PDE4D: variants seen among roughly 807,000 people sequenced by gnomAD.
The protein encoded by PDE4D is phosphodiesterase 4D.
In PDE4D, 24 loss-of-function variants were observed where a neutral mutation model predicts 87.4. The ratio of observed to expected loss-of-function variants is 0.27; its 90% confidence interval spans 0.20 to 0.39. The LOEUF (loss-of-function observed/expected upper bound fraction) is 0.39, where lower values mean the gene tolerates loss of function less well. Ranked by LOEUF, PDE4D falls within the 10% of genes least tolerant of loss-of-function variation. The pLI is 1.00. For missense variants in PDE4D, 714 were observed against 1,041.0 expected, an observed-to-expected ratio of 0.69 and a Z score of 4.32; for synonymous variants, 384 against 383.2, an observed-to-expected ratio of 1.00 and a Z score of -0.02.
chr5:60,403,986 A>G (rs1414709449), intron 1 of PDE4D, among the ~76,000 whole-genome samples: 1 of 152,214 alleles, frequency 6.6e-6, no homozygotes, highest in African/African-American at 2.4e-5. Flanking sequence ...CCAATATTTT[A>G]TATAAATGAC....
At chr5:60,252,258 T>C (rs1461665947) in intron 1 of PDE4D, among the ~76,000 whole-genome samples, 5 of 151,906 alleles carry the variant, frequency 3.3e-5, no homozygotes, top group Non-Finnish European at 5.9e-5. Flanking sequence ...TAAAAATACA[T>C]GGGGGTGGAG....
intron 1 of PDE4D, among the ~76,000 whole-genome samples, chr5:59,867,558 C>T (rs1445051238): frequency 6.6e-6 from 1 of 151,926 alleles, no homozygotes; most frequent in African/African-American, 2.4e-5. Flanking sequence ...TATTTCCTTC[C>T]TTTGACTTGG....
chr5:59,144,759 A>G (rs1361040618), intron 5 of PDE4D, among the ~76,000 whole-genome samples: 1 of 152,108 alleles, frequency 6.6e-6, no homozygotes, highest in Non-Finnish European at 1.5e-5. Context: ...ACATTGCTTA[A>G]AAGGTTACAT....
At chr5:59,465,962 T>C (rs1273107673) in intron 1 of PDE4D, among the ~76,000 whole-genome samples, 1 of 152,212 alleles carries the variant, frequency 6.6e-6, no homozygotes, top group Non-Finnish European at 1.5e-5. Context: ...TATTCTGTTT[T>C]GTTTTGTTTT....
At chr5:59,951,141 A>G (rs1758254027) in intron 3 of PDE4D, among the ~76,000 whole-genome samples, 1 of 152,142 alleles carries the variant, frequency 6.6e-6, no homozygotes, top group Non-Finnish European at 1.5e-5. Context: ...CTTTTGTGAT[A>G]GATATTGATA....
At chr5:58,993,658 T>A (rs1580158563) in intron 6 of PDE4D, among the ~76,000 whole-genome samples, 193 bp from the exon 7 acceptor site, 1 of 152,148 alleles carries the variant, frequency 6.6e-6, no homozygotes, top group African/African-American at 2.4e-5. Context: ...ATTATAGCAG[T>A]CACTAGCCAC....
At chr5:60,224,020 C>T (rs1380808214) in intron 1 of PDE4D, among the ~76,000 whole-genome samples, 1 of 152,068 alleles carries the variant, frequency 6.6e-6, no homozygotes, top group Non-Finnish European at 1.5e-5. Context: ...CAGTGTTGTA[C>T]AACTCCAATG....
At chr5:59,309,180 C>T (rs764257753) in intron 1 of PDE4D, among the ~76,000 whole-genome samples, 1 of 152,292 alleles carries the variant, frequency 6.6e-6, no homozygotes, top group Middle Eastern at 3.4e-3. Context: ...AGGCTACCCA[C>T]CTCCCAGCTG....
chr5:60,460,701 CT>C, intron 1 of PDE4D: 1 of 909,400 alleles, frequency 1.1e-6, no homozygotes, highest in East Asian at 2.5e-5. Context: ...TTGGTTTCTT[CT>C]TTTGAGGCAG....
At chr5:60,141,720 G>T (rs1780552551) in intron 2 of PDE4D, among the ~76,000 whole-genome samples, 1 of 152,062 alleles carries the variant, frequency 6.6e-6, no homozygotes, top group Admixed American at 6.6e-5. Context: ...GATATTATCT[G>T]CAATAACTGC....
intron 3 of PDE4D, among the ~76,000 whole-genome samples, chr5:59,931,990 T>C (rs1017893252): frequency 1.3e-5 from 2 of 152,292 alleles, no homozygotes; most frequent in Admixed American, 6.5e-5. Context: ...CCTGAGCCAC[T>C]GTGGGGCGCG....
intron 1 of PDE4D, among the ~76,000 whole-genome samples, chr5:60,475,217 A>G (rs1466035016): frequency 6.6e-6 from 1 of 152,104 alleles, no homozygotes; most frequent in East Asian, 1.9e-4. Context: ...ATCAAGGCTC[A>G]GTTTCTTCTT....
chr5:59,400,396 T>G (rs1790361484), intron 1 of PDE4D, among the ~76,000 whole-genome samples: 1 of 145,454 alleles, frequency 6.9e-6, no homozygotes, highest in Admixed American at 6.9e-5. Context: ...TGGAATACTA[T>G]GCGGCCATAA....
intron 1 of PDE4D, among the ~76,000 whole-genome samples, chr5:59,672,199 G>A (rs1240153695): frequency 6.6e-6 from 1 of 152,260 alleles, no homozygotes; most frequent in South Asian, 2.1e-4. Flanking sequence ...AGACTAGATG[G>A]TAAGTTGGAT....
chr5:59,772,590 A>G (rs1455172256), intron 1 of PDE4D, among the ~76,000 whole-genome samples: 1 of 152,174 alleles, frequency 6.6e-6, no homozygotes, highest in African/African-American at 2.4e-5. Context: ...CTGACACAAA[A>G]AGTGTGCTTT....
chr5:60,407,903 T>A (rs1159724612), intron 1 of PDE4D, among the ~76,000 whole-genome samples: 1 of 152,136 alleles, frequency 6.6e-6, no homozygotes, highest in Non-Finnish European at 1.5e-5. Flanking sequence ...TTTGTGACTA[T>A]TGCAACCAAG....
At chr5:59,606,656 T>C (rs958315437) in intron 1 of PDE4D, among the ~76,000 whole-genome samples, 1 of 152,116 alleles carries the variant, frequency 6.6e-6, no homozygotes, top group African/African-American at 2.4e-5. Flanking sequence ...GATGCAATTA[T>C]GGAAAGAGTA....
chr5:59,678,945 G>A (rs547841665), intron 1 of PDE4D, among the ~76,000 whole-genome samples: 1 of 152,196 alleles, frequency 6.6e-6, no homozygotes, highest in South Asian at 2.1e-4. Flanking sequence ...AATCTCTCAA[G>A]TAATATATGT....
In PDE4D at chr5:59,455,361, G is replaced by T. The variant is rs184202516; in HGVS notation, c.456-239393C>A. Among the ~76,000 whole-genome samples the T allele has an allele frequency of 2.3e-3, 355 of 152,312 alleles. 2 individuals are homozygous for T. The highest frequency in any genetic ancestry group is 4.2e-3 in the Non-Finnish European group (289 of 68,026). On this transcript the variant is annotated intron_variant, in intron 1 of 14. Coordinates refer to ENST00000340635, the MANE Select transcript of PDE4D (RefSeq NM_001104631.2). ...TAAAAGTGGCCAAGGTACAGCTCAG[G>T]CCATGGATTCAGAGGGTGCAAACCC... is the stretch of plus-strand genomic sequence containing the variant.
Sources: allele counts gnomAD v4.1 joint callset (sites outside exome capture counted in the v4.1 genomes callset), GRCh38; gene constraint gnomAD v4.1.1; transcripts MANE v1.5; gene names NCBI Gene and HGNC (gene_info 2026-07-23, HGNC 2026-07-21).